Variants in UBE3A observed in about 807,000 individuals in gnomAD.
The protein encoded by UBE3A is ubiquitin-protein ligase E3A.
In UBE3A, 6 loss-of-function variants were observed where a neutral mutation model predicts 83.4. That is an observed-to-expected ratio of 0.07 (90% confidence interval 0.04 to 0.14). The LOEUF is 0.14. UBE3A is among the 10% of genes least tolerant of loss of function. The pLI, the probability that UBE3A is intolerant of heterozygous loss-of-function variation, is 1.00. For synonymous variants in UBE3A, 337 were observed against 355.4 expected (o/e 0.95, Z 0.58); for missense variants, 456 against 1,036.1 (o/e 0.44, Z 7.69).
rs1424152432 is a variant in UBE3A, at chr15:25,361,283, G to A, written c.1609-756C>T. ...TGGGATTACAGGCAGGCGCCACTAC[G>A]CCTGGCTAAATTTTTTATTTTTAGT... On this transcript the variant is annotated intron_variant, in intron 6 of 12. Coordinates refer to ENST00000648336, the MANE Select transcript of UBE3A (RefSeq NM_130839.5). 2.0e-5 allele frequency among the ~76,000 whole-genome samples: 3 copies of A among 151,948 alleles called. No homozygotes were observed. The East Asian group carries it at 5.8e-4, about 30-fold the overall frequency.
intron 4 of UBE3A, among the ~76,000 whole-genome samples, chr15:25,404,255 C>G (rs188383479): frequency 6.6e-6 from 1 of 151,988 alleles, no homozygotes; most frequent in Non-Finnish European, 1.5e-5. Flanking sequence ...CTTGATTTTT[C>G]CACCCTCACC....
chr15:25,423,746 A>G (rs540400403), intron 1 of UBE3A, among the ~76,000 whole-genome samples: 1 of 152,314 alleles, frequency 6.6e-6, no homozygotes, highest in Admixed American at 6.5e-5. Flanking sequence ...GGCATGTGAT[A>G]TGATGCACAG....
intron 1 of UBE3A, chr15:25,421,875 T>A (rs1320810126): frequency 6.6e-6 from 1 of 152,168 alleles, no homozygotes; most frequent in Non-Finnish European, 1.5e-5. Flanking sequence ...AGTAGTATAA[T>A]CATCTGGAAA....
chr15:25,380,050 A>T (rs1277642748), intron 4 of UBE3A, among the ~76,000 whole-genome samples: 2 of 152,044 alleles, frequency 1.3e-5, no homozygotes, highest in Non-Finnish European at 2.9e-5. Context: ...AATCTGAATC[A>T]TGGGGGCAGT....
At chr15:25,406,225 T>TA (rs1329306612) in intron 3 of UBE3A, among the ~76,000 whole-genome samples, 1 of 152,208 alleles carries the variant, frequency 6.6e-6, no homozygotes, top group Admixed American at 6.5e-5. Context: ...CTAATGATGA[T>TA]TATCTTGGTT....
intron 4 of UBE3A, among the ~76,000 whole-genome samples, chr15:25,400,121 C>T (rs2086716178): frequency 6.6e-6 from 1 of 152,186 alleles, no homozygotes; most frequent in Non-Finnish European, 1.5e-5. Flanking sequence ...AAACATTTTA[C>T]AATATTAATT....
At chr15:25,408,753 G>A (rs896022176) in intron 3 of UBE3A, 15 of 1,289,344 alleles carry the variant, frequency 1.2e-5, no homozygotes, top group Non-Finnish European at 1.4e-5. Context: ...TAGTTAAAAC[G>A]TTCACCACAT....
intron 11 of UBE3A, chr15:25,353,931 T>C (rs2076874005): frequency 8.3e-6 from 2 of 240,630 alleles, no homozygotes; most frequent in Admixed American, 5.2e-5. Flanking sequence ...GGACATATTA[T>C]CTTAAGAATT....
Position 25,337,178 on chromosome 15 carries a change from TAC to T in UBE3A, c.*1957_*1958del, listed in dbSNP as rs2074008125. On this transcript the variant is annotated 3_prime_UTR_variant, in exon 13 of 13. Transcript: ENST00000648336. Reference sequence around the variant, plus strand: ...ACCACTTTAAAACTTGTCATATGGATACGTTATTACAATTGTAGAACTTTAAT... The same window carrying T: ...ACCACTTTAAAACTTGTCATATGGATGTTATTACAATTGTAGAACTTTAAT... 6.6e-6 allele frequency: 1 copy of T among 152,192 alleles called. No individual in the cohort carries two copies. The highest frequency in any genetic ancestry group is 2.1e-4 in the South Asian group (1 of 4,834). The allele number at this position is 152,192 out of a possible 1,614,324, so 9.4% of individuals were successfully genotyped here.
chr15:25,340,259 G>T, intron 11 of UBE3A, 31 bp from the exon 12 acceptor site: 1 of 1,607,526 alleles, frequency 6.2e-7, no homozygotes, highest in Non-Finnish European at 8.5e-7. Context: ...ACTGGTTTCA[G>T]TTTGGCATTC....
intron 4 of UBE3A, among the ~76,000 whole-genome samples, chr15:25,399,534 C>G (rs1339063108): frequency 6.6e-6 from 1 of 152,020 alleles, no homozygotes; most frequent in African/African-American, 2.4e-5. Context: ...TCTGTGCTCT[C>G]CATTCTGTTT....
intron 4 of UBE3A, among the ~76,000 whole-genome samples, chr15:25,389,867 G>A (rs1312862935): frequency 3.3e-5 from 5 of 151,852 alleles, no homozygotes; most frequent in African/African-American, 1.2e-4. Flanking sequence ...CAACCTGGGT[G>A]ACAGAGCGAG....
In UBE3A at chr15:25,400,213, C is replaced by T. The variant is rs143023395; in HGVS notation, c.62+5248G>A. 1.9e-3 allele frequency among the ~76,000 whole-genome samples: 289 copies of T among 152,296 alleles called. 2 individuals carry two copies. Among genetic ancestry groups the T allele is most frequent in the African/African-American group, 6.6e-3 (276 of 41,570 alleles). ...TTAATCAATGTTACATAGTTTTCAACTCTTTGGTTAAAGTTATTTCTAAGT... is the reference window on the plus strand; with the variant it reads ...TTAATCAATGTTACATAGTTTTCAATTCTTTGGTTAAAGTTATTTCTAAGT... On this transcript the variant is annotated intron_variant, in intron 4 of 12. Coordinates refer to ENST00000648336, the MANE Select transcript of UBE3A (RefSeq NM_130839.5).
At chr15:25,384,473 A>AAG (rs2152918265) in intron 4 of UBE3A, among the ~76,000 whole-genome samples, 1 of 151,556 alleles carries the variant, frequency 6.6e-6, no homozygotes, top group Admixed American at 6.6e-5. Flanking sequence ...AAAAAAAAAA[A>AAG]AAGAAAAAGA....
intron 2 of UBE3A, 93 bp from the exon 3 acceptor site, chr15:25,409,300 G>A (rs1407318136): frequency 2.2e-6 from 1 of 459,962 alleles, no homozygotes; most frequent in East Asian, 3.2e-5. Context: ...CAAATTAGGT[G>A]TCAATGTAAA....
At chr15:25,342,859 TGGCAA>T (rs2075076075) in intron 11 of UBE3A, among the ~76,000 whole-genome samples, 1 of 151,980 alleles carries the variant, frequency 6.6e-6, no homozygotes, top group Admixed American at 6.5e-5. Flanking sequence ...GTTAGAGCAC[TGGCAA>T]CAGGGTGGTT....
intron 4 of UBE3A, 100 bp from the exon 5 acceptor site, chr15:25,375,863 G>T: frequency 1.5e-6 from 2 of 1,347,518 alleles, no homozygotes; most frequent in South Asian, 1.2e-5. Context: ...GCACTGAAGT[G>T]ATTAACCTGT....
rs398124439 is a variant in UBE3A at position 25,356,717 on chromosome 15, A to G, written c.1933T>C (p.Phe645Leu). ...YRKLMGKKGT[F>L]RDLGDSHPVL... ...GGGTGAGAGTCTCCCAAGTCACGAA[A>G]AGTTCCTTTTTTCCCCATTAGCTTC... The change falls in exon 8 of 13, where the codon TTT (phenylalanine) becomes CTT (leucine). Residue 645 changes from phenylalanine (F) to leucine (L), a missense_variant. Transcript: ENST00000648336. 3 of 1,613,456 alleles carry G rather than the reference A, an allele frequency of 1.9e-6. No homozygotes were observed. The East Asian group carries it at 6.7e-5, about 36-fold the overall frequency.
intron 11 of UBE3A, among the ~76,000 whole-genome samples, chr15:25,343,124 A>G (rs1173090204): frequency 2.0e-5 from 3 of 152,178 alleles, no homozygotes; most frequent in Admixed American, 6.5e-5. Flanking sequence ...AAGCCACACA[A>G]TTCCTCCCTG....
Sources: gnomAD v4.1 joint callset for allele counts (sites outside exome capture counted in the v4.1 genomes callset) on GRCh38, gnomAD v4.1.1 for gene constraint, MANE v1.5 for transcripts, NCBI Gene and HGNC (gene_info 2026-07-23, HGNC 2026-07-21) for gene names.